BRWD3: variants seen among roughly 807,000 people sequenced by gnomAD.
The protein encoded by BRWD3 is bromodomain and WD repeat-containing protein 3.
A neutral mutation model predicts 149.7 loss-of-function variants in BRWD3; 10 were observed. The observed-to-expected ratio is 0.07, with a 90% CI of 0.04 to 0.11. The LOEUF (loss-of-function observed/expected upper bound fraction) is 0.11, where lower values mean the gene tolerates loss of function less well. Among genes scored for constraint, BRWD3 ranks in the 10% least tolerant of loss-of-function variants. The probability of loss-of-function intolerance (pLI) is 1.00; values close to 1 mark genes in which losing one functional copy is unlikely to be tolerated. For missense variants in BRWD3, 940 were observed against 1,373.2 expected, an observed-to-expected ratio of 0.68 and a Z score of 4.99; for synonymous variants, 504 against 456.7, an observed-to-expected ratio of 1.10 and a Z score of -1.32.
At chrX:80,738,401 T>C (rs992650341) in intron 8 of BRWD3, among the ~76,000 whole-genome samples, 1 of 111,976 alleles carries the variant, frequency 8.9e-6, no homozygotes, top group Non-Finnish European at 1.9e-5. Flanking sequence ...AAGTAACACG[T>C]AATTCTGCCA....
At chrX:80,801,511 C>T (rs1326413360) in intron 4 of BRWD3, among the ~76,000 whole-genome samples, 3 of 108,747 alleles carry the variant, frequency 2.8e-5, no homozygotes, top group African/African-American at 3.3e-5. Context: ...CAACCGCGCC[C>T]GGACGAGAAA....
intron 30 of BRWD3, 123 bp downstream of exon 30, chrX:80,691,700 G>C: frequency 1.2e-6 from 1 of 865,508 alleles, no homozygotes; most frequent in Non-Finnish European, 1.7e-6. Flanking sequence ...GAATCACTGT[G>C]CTTCTTGAGT....
chrX:80,700,440 A>ATATATATATATATATATATATATATATG (rs1395775170), intron 24 of BRWD3, among the ~76,000 whole-genome samples: 1 of 95,930 alleles, frequency 1.0e-5, no homozygotes. Context: ...TTTGATATAT[A>ATATATATATATATATATATATATATATG]TAACAATACA....
intron 6 of BRWD3, among the ~76,000 whole-genome samples, chrX:80,787,183 G>GA (rs774357935): frequency 5.1e-4 from 57 of 111,701 alleles, no homozygotes; most frequent in Non-Finnish European, 1.0e-3. Context: ...CCTGAACACT[G>GA]AAAACTACAA....
chrX:80,808,686 TC>T, intron 3 of BRWD3, 88 bp from the exon 4 acceptor site: 2 of 791,122 alleles, frequency 2.5e-6, no homozygotes, highest in Non-Finnish European at 3.7e-6. Context: ...CCAACCTGTG[TC>T]CCAGTCCTCA....
At chrX:80,733,129 CAA>C (rs199514397) in intron 12 of BRWD3, 805 of 80,362 alleles carry the variant, frequency 0.01, no homozygotes, top group South Asian at 0.02. Context: ...GACACCGTCT[CAA>C]AAAAAAAAAA....
intron 24 of BRWD3, among the ~76,000 whole-genome samples, chrX:80,701,844 T>C (rs2072795167): frequency 2.7e-5 from 3 of 111,011 alleles, no homozygotes; most frequent in African/African-American, 9.8e-5. Flanking sequence ...GTGTAGGCAC[T>C]AGATGCTGTG....
At chrX:80,710,368 G>A (rs901044686) in intron 20 of BRWD3, 33 of 331,858 alleles carry the variant, frequency 9.9e-5, no homozygotes, top group Non-Finnish European at 1.9e-4. Context: ...GTCATCTGCT[G>A]ACTATTTTGA....
Position 80,699,900 on chromosome X carries a change from A to G in BRWD3, c.2943+57T>C. ...AACTGAGGGGAAAAAACCATGGGTAAGCAATTTAATTCCAAAGCTACTTCC... is the reference window on the plus strand; with the variant it reads ...AACTGAGGGGAAAAAACCATGGGTAGGCAATTTAATTCCAAAGCTACTTCC... On this transcript the variant is annotated intron_variant, in intron 25 of 40. Coordinates refer to ENST00000373275, the MANE Select transcript of BRWD3 (RefSeq NM_153252.5). The G allele has an allele frequency of 3.4e-6, 3 of 893,590 alleles. No homozygotes were observed. The South Asian group carries it at 6.2e-5, about 19-fold the overall frequency. The allele number at this position is 893,590 out of a possible 1,213,427, so 73.6% of individuals were successfully genotyped here.
At chrX:80,743,286 G>A (rs1311783499) in intron 8 of BRWD3, among the ~76,000 whole-genome samples, 6 of 111,818 alleles carry the variant, frequency 5.4e-5, no homozygotes, top group African/African-American at 2.0e-4. Context: ...TGTGCTGCTG[G>A]ATTTGGTTTG....
In BRWD3 at chrX:80,680,954, C is replaced by T. The variant is rs754211361; in HGVS notation, c.4654+387G>A. On this transcript the variant is annotated intron_variant, in intron 40 of 40. Coordinates refer to ENST00000373275, the MANE Select transcript of BRWD3 (RefSeq NM_153252.5). The stretch of plus-strand genomic sequence containing the variant: ...TCCCGAGTAGGTATGAGTTGTATGC[C>T]ACCACATGTGGCTACTTTTTTTTTT... Among the ~76,000 whole-genome samples, 9 of 105,307 alleles carry T rather than the reference C, an allele frequency of 8.5e-5. No homozygotes were observed. The South Asian group carries it at 3.3e-3, about 38-fold the overall frequency. The allele number at this position is 105,307 out of a possible 115,157, so 91.4% of individuals were successfully genotyped here.
intron 22 of BRWD3, among the ~76,000 whole-genome samples, chrX:80,706,108 G>A (rs1448108075): frequency 9.1e-6 from 1 of 110,309 alleles, no homozygotes. Flanking sequence ...TTGTACAGCC[G>A]TATTTTTTTT....
chrX:80,801,985 C>T (rs2074302611), intron 4 of BRWD3, among the ~76,000 whole-genome samples: 1 of 111,932 alleles, frequency 8.9e-6, no homozygotes, highest in South Asian at 3.7e-4. Flanking sequence ...ACCAGTGTTA[C>T]ACTGGCATTC....
intron 6 of BRWD3, among the ~76,000 whole-genome samples, chrX:80,768,099 T>C (rs1167704737): frequency 5.4e-5 from 6 of 111,624 alleles, no homozygotes; most frequent in Admixed American, 9.5e-5. Flanking sequence ...CAAATCTACG[T>C]CTGATTAGTG....
intron 6 of BRWD3, among the ~76,000 whole-genome samples, chrX:80,769,566 CAGA>C (rs2073909218): frequency 9.0e-6 from 1 of 111,039 alleles, no homozygotes; most frequent in African/African-American, 3.3e-5. Context: ...TACAATGTAC[CAGA>C]ATCTCTGGGA....
At chrX:80,747,393 T>G (rs935034691) in intron 6 of BRWD3, among the ~76,000 whole-genome samples, 18 of 109,217 alleles carry the variant, frequency 1.6e-4, no homozygotes. Context: ...CCCCCCACAC[T>G]AAGTCGTGAC....
intron 19 of BRWD3, chrX:80,717,004 T>C: frequency 8.8e-6 from 1 of 113,016 alleles, no homozygotes; most frequent in South Asian, 3.7e-4. Flanking sequence ...TAAAATGAAT[T>C]GTACATATTC....
chrX:80,724,594 AT>A (rs1336320575), intron 15 of BRWD3, among the ~76,000 whole-genome samples: 1 of 111,837 alleles, frequency 8.9e-6, no homozygotes, highest in Non-Finnish European at 1.9e-5. Flanking sequence ...AGATACAAGT[AT>A]TACAGTCACT....
chrX:80,677,325 T>C lies in BRWD3; in HGVS notation c.4693A>G (p.Arg1565Gly). ...LDGPLTNGDG[R>G]EPRTGIKRKL... ...CTCTTGATTCCTGTCCGGGGCTCTCTGCCATCACCATTTGTAAGGGGTCCA... is the reference window on the plus strand; with the variant it reads ...CTCTTGATTCCTGTCCGGGGCTCTCCGCCATCACCATTTGTAAGGGGTCCA... The change falls in exon 41 of 41, where the codon AGA becomes GGA. Residue 1565 changes from arginine to glycine, a missense_variant. Physicochemically the swap from Arg to Gly is moderately radical, Grantham distance 125. This residue lies in a region of BRWD3 where 349 missense variants were observed against 419.6 expected (regional missense o/e 0.83). Transcript: ENST00000373275. 1 of 1,207,138 alleles carries C rather than the reference T, an allele frequency of 8.3e-7. No individual in the cohort carries two copies. Among genetic ancestry groups the C allele is most frequent in the Non-Finnish European group, 1.1e-6 (1 of 893,529 alleles).
Sources: gnomAD v4.1 joint callset for allele counts (sites outside exome capture counted in the v4.1 genomes callset) on GRCh38, gnomAD v4.1.1 for gene constraint, gnomAD v4.1.1 regional missense constraint, MANE v1.5 for transcripts, NCBI Gene and HGNC (gene_info 2026-07-23, HGNC 2026-07-21) for gene names.